Variants in CTNNB1 observed in about 807,000 individuals in gnomAD.
CTNNB1 encodes the protein catenin beta-1.
CTNNB1 carries 6 observed loss-of-function variants against 82.5 expected under a neutral mutation model. The observed-to-expected ratio is 0.07, with a 90% CI of 0.04 to 0.14. The LOEUF (loss-of-function observed/expected upper bound fraction) is 0.14, where lower values mean the gene tolerates loss of function less well. Ranked by LOEUF, CTNNB1 falls within the 10% of genes least tolerant of loss-of-function variation. CTNNB1 has a pLI of 1.00. For missense variants in CTNNB1, 529 were observed against 980.4 expected (o/e 0.54, Z 6.15); for synonymous variants, 312 against 329.7 (o/e 0.95, Z 0.58).
intron 2 of CTNNB1, 100 bp downstream of exon 2, chr3:41,224,181 A>G (rs1167605616): frequency 1.0e-5 from 14 of 1,394,842 alleles, no homozygotes; most frequent in Non-Finnish European, 1.3e-5. Flanking sequence ...CTCCCTGCTT[A>G]CTTGTCAGGC....
chr3:41,220,204 T>A (rs1388051451), intron 1 of CTNNB1, among the ~76,000 whole-genome samples: 3 of 152,140 alleles, frequency 2.0e-5, no homozygotes, highest in African/African-American at 7.2e-5. Flanking sequence ...TTCTTTTTTT[T>A]TTCCATTTAC....
At position 41,215,400 on chromosome 3, in the gene CTNNB1, A is replaced by AC. The variant is rs1400323328; in HGVS notation, c.-48-8621_-48-8620insC. ...ACCATCTCAAAAAAAAAAAAAAAAA[A>AC]AAAACACTCTTAGGTTATAAATAAT... On this transcript the variant is annotated intron_variant, in intron 1 of 14. Coordinates refer to ENST00000349496, the MANE Select transcript of CTNNB1 (RefSeq NM_001904.4). Among the ~76,000 whole-genome samples the AC allele has an allele frequency of 2.8e-4, 42 of 150,658 alleles. 1 individual carries two copies. In the East Asian group the frequency reaches 4.1e-3, roughly 15 times the overall value.
At chr3:41,227,482 A>T (rs2078205660) in intron 7 of CTNNB1, 130 bp downstream of exon 7, 1 of 929,736 alleles carries the variant, frequency 1.1e-6, no homozygotes, top group Non-Finnish European at 1.7e-6. Context: ...TGCAGCCAAG[A>T]TTTACATTCA....
chr3:41,200,949 A>G (rs1210100149), intron 1 of CTNNB1, among the ~76,000 whole-genome samples: 1 of 152,202 alleles, frequency 6.6e-6, no homozygotes, highest in East Asian at 1.9e-4. Context: ...AGGTCGGCAA[A>G]AGGAAATCGA....
intron 13 of CTNNB1, 78 bp downstream of exon 13, chr3:41,236,787 C>T: frequency 6.4e-7 from 1 of 1,570,610 alleles, no homozygotes; most frequent in Non-Finnish European, 8.7e-7. Context: ...TCTCAAAACA[C>T]TTAGTACACA....
At chr3:41,218,959 T>C (rs2077977325) in intron 1 of CTNNB1, among the ~76,000 whole-genome samples, 1 of 152,238 alleles carries the variant, frequency 6.6e-6, no homozygotes, top group African/African-American at 2.4e-5. Context: ...GTATATTCTT[T>C]GCATACTTTT....
At chr3:41,204,151 G>C (rs957961850) in intron 1 of CTNNB1, among the ~76,000 whole-genome samples, 2 of 151,638 alleles carry the variant, frequency 1.3e-5, no homozygotes, top group Non-Finnish European at 2.9e-5. Flanking sequence ...GATTATTTCA[G>C]GATGGATTAA....
chr3:41,210,584 C>G (rs2077757680), intron 1 of CTNNB1, among the ~76,000 whole-genome samples: 1 of 152,154 alleles, frequency 6.6e-6, no homozygotes, highest in Admixed American at 6.5e-5. Flanking sequence ...AGGCAGTAAA[C>G]ATAAATGGAG....
intron 1 of CTNNB1, among the ~76,000 whole-genome samples, chr3:41,202,912 C>G (rs1321788440): frequency 6.6e-6 from 1 of 152,116 alleles, no homozygotes; most frequent in African/African-American, 2.4e-5. Flanking sequence ...CTAGGCTCAT[C>G]TGTTGAGGCC....
At chr3:41,206,190 C>T (rs1182141556) in intron 1 of CTNNB1, among the ~76,000 whole-genome samples, 2 of 152,104 alleles carry the variant, frequency 1.3e-5, no homozygotes, top group East Asian at 1.9e-4. Flanking sequence ...TGACTTGTAA[C>T]AGATATGTTA....
chr3:41,225,777 C>T lies in CTNNB1; in HGVS notation c.852C>T (p.Ala284=), dbSNP rs773586998. 2 of 1,614,100 alleles carry T rather than the reference C, an allele frequency of 1.2e-6. No individual in the cohort carries two copies. Among genetic ancestry groups the T allele is most frequent in the African/African-American group, 1.3e-5 (1 of 75,040 alleles). Residue 284 remains alanine (A), a synonymous_variant, in exon 6 of 15, where the codon GCC becomes GCT. Transcript: ENST00000349496. This position sits in a 1 kb window ranked among gnomAD's most constrained non-coding sequence, Gnocchi z 5.3. ...CTGGTGGGCTGCAGAAAATGGTTGC[C>T]TTGCTCAACAAAACAAATGTTAAAT... The part of the protein sequence containing the change: ...RLAGGLQKMV[A]LLNKTNVKFL...
chr3:41,227,146 C>A (rs2125627182), intron 6 of CTNNB1, 62 bp from the exon 7 acceptor site: 1 of 1,377,160 alleles, frequency 7.3e-7, no homozygotes, highest in Non-Finnish European at 1.0e-6. Context: ...GGTAATATGG[C>A]TCTTCTCAGA....
At chr3:41,235,889 C>A (rs749231862) in intron 11 of CTNNB1, 46 bp downstream of exon 11, 7 of 1,609,352 alleles carry the variant, frequency 4.3e-6, no homozygotes, top group Non-Finnish European at 6.0e-6. Context: ...CATAAAATTT[C>A]CAGATTGTAA....
chr3:41,217,518 A>T (rs897936842), intron 1 of CTNNB1, among the ~76,000 whole-genome samples: 5 of 152,184 alleles, frequency 3.3e-5, no homozygotes, highest in African/African-American at 1.2e-4. Flanking sequence ...GTTGATGGAC[A>T]TTTGAATAAT....
chr3:41,204,626 C>T (rs2077608353), intron 1 of CTNNB1, among the ~76,000 whole-genome samples: 1 of 152,190 alleles, frequency 6.6e-6, no homozygotes, highest in African/African-American at 2.4e-5. Flanking sequence ...TTTATGTTGC[C>T]AGATCATCTG....
At chr3:41,230,795 T>C (rs758601381) in intron 7 of CTNNB1, among the ~76,000 whole-genome samples, 1 of 152,202 alleles carries the variant, frequency 6.6e-6, no homozygotes, top group Non-Finnish European at 1.5e-5. Context: ...CACCATGTGC[T>C]ATGTCTTAGA....
intron 1 of CTNNB1, chr3:41,221,495 C>T (rs1011923012): frequency 2.0e-5 from 3 of 152,100 alleles, no homozygotes; most frequent in African/African-American, 4.8e-5. Flanking sequence ...GCACATACTA[C>T]CACACCTGGC....
At chr3:41,208,457 TC>T (rs1164246718) in intron 1 of CTNNB1, among the ~76,000 whole-genome samples, 1 of 152,122 alleles carries the variant, frequency 6.6e-6, no homozygotes, top group African/African-American at 2.4e-5. Flanking sequence ...TCTGCTCTCT[TC>T]CCCCAATCTC....
At position 41,215,240 on chromosome 3, in the gene CTNNB1, AG is replaced by A. The variant is rs2077887928; in HGVS notation, c.-48-8780del. On this transcript the variant is annotated intron_variant, in intron 1 of 14. Transcript: ENST00000349496. ...AAAAAAAAAAAAAAAAAAAAAAAAT[AG>A]CTGGGGTTGGTGGTGGGCAGTAATC... Among the ~76,000 whole-genome samples, 8 of 112,240 alleles carry A rather than the reference AG, an allele frequency of 7.1e-5. 1 individual carries two copies. The South Asian group carries it at 2.4e-3, about 33-fold the overall frequency. The allele number at this position is 112,240 out of a possible 152,430, so 73.6% of individuals were successfully genotyped here.
Sources: allele counts gnomAD v4.1 joint callset (sites outside exome capture counted in the v4.1 genomes callset), GRCh38; gene constraint gnomAD v4.1.1; non-coding constraint Gnocchi (gnomAD v3.1); transcripts MANE v1.5; gene names NCBI Gene and HGNC (gene_info 2026-07-23, HGNC 2026-07-21).